Variants in NR3C1 observed in about 807,000 individuals in gnomAD.
NR3C1 encodes nuclear receptor subfamily 3 group C member 1.
A neutral mutation model predicts 74.0 loss-of-function variants in NR3C1; 14 were observed. The ratio of observed to expected loss-of-function variants is 0.19; its 90% confidence interval spans 0.12 to 0.30. The LOEUF (loss-of-function observed/expected upper bound fraction) is 0.30. Ranked by LOEUF, NR3C1 falls within the 10% of genes least tolerant of loss-of-function variation. The pLI is 1.00. For missense variants in NR3C1, 695 were observed against 909.8 expected, an observed-to-expected ratio of 0.76 and a Z score of 3.04; for synonymous variants, 308 against 332.5, an observed-to-expected ratio of 0.93 and a Z score of 0.80.
rs147068712 is a variant in NR3C1, at chr5:143,291,566, A to C, written c.2023+3894T>G. The stretch of plus-strand genomic sequence containing the variant: ...AATTTTTTAGTGAGCATCTGGTGGC[A>C]AACTTTATTTTCACCTCCTAGTTAA... On this transcript the variant is annotated intron_variant, in intron 7 of 8. Coordinates refer to ENST00000394464, the MANE Select transcript of NR3C1 (RefSeq NM_000176.3). Among the ~76,000 whole-genome samples the C allele has an allele frequency of 1.7e-3, 245 of 147,506 alleles. 1 individual carries two copies. Among genetic ancestry groups the C allele is most frequent in the African/African-American group, 5.8e-3 (233 of 40,510 alleles).
rs1452922479 is a variant in NR3C1 at position 143,333,035 on chromosome 5, G to A, written c.1185-18867C>T. ...CAGTGATTGAGGAGCACCTGGGGAA[G>A]TTTGGCTTCATTTGCTTGGAAGACC... is the stretch of plus-strand genomic sequence containing the variant. On this transcript the variant is annotated intron_variant, in intron 2 of 8. Transcript: ENST00000394464. 4 of 1,593,736 alleles carry A rather than the reference G, an allele frequency of 2.5e-6. No individual in the cohort carries two copies. In the African/African-American group the frequency reaches 5.3e-5, roughly 21 times the overall value.
At chr5:143,403,754 G>A, upstream of NR3C1, 2 of 984,628 alleles carry the variant, frequency 2.0e-6, no homozygotes, top group Non-Finnish European at 2.4e-6. Flanking sequence ...CGCCCGAGGG[G>A]CCGCGCGGCG....
intron 2 of NR3C1, among the ~76,000 whole-genome samples, chr5:143,321,449 T>C (rs1293933898): frequency 6.6e-6 from 1 of 152,170 alleles, no homozygotes; most frequent in East Asian, 1.9e-4. Flanking sequence ...TTCTAATGCA[T>C]GCCTTCTCTC....
intron 2 of NR3C1, among the ~76,000 whole-genome samples, chr5:143,348,916 A>G (rs1829767294): frequency 6.6e-6 from 1 of 152,200 alleles, no homozygotes; most frequent in Non-Finnish European, 1.5e-5. Context: ...TGCTCCTTGT[A>G]TTATTGACAA....
At chr5:143,290,728 C>A (rs376404613) in intron 7 of NR3C1, among the ~76,000 whole-genome samples, 1 of 151,892 alleles carries the variant, frequency 6.6e-6, no homozygotes, top group Non-Finnish European at 1.5e-5. Context: ...CCACCACACC[C>A]GGCTTTTTAT....
At chr5:143,348,028 G>A (rs1374654216) in intron 2 of NR3C1, among the ~76,000 whole-genome samples, 1 of 152,124 alleles carries the variant, frequency 6.6e-6, no homozygotes, top group African/African-American at 2.4e-5. Flanking sequence ...TCAAAATACA[G>A]GCAGCTTGAC....
At chr5:143,396,738 ATCAT>A (rs1263713495) in intron 2 of NR3C1, among the ~76,000 whole-genome samples, 4 of 151,820 alleles carry the variant, frequency 2.6e-5, no homozygotes, top group African/African-American at 7.2e-5. Flanking sequence ...TTCATCCTAC[ATCAT>A]TCATTCTCTC....
rs761495176 is a variant in NR3C1, at chr5:143,400,263, T to C, written c.577A>G (p.Ile193Val). 7 of 1,597,600 alleles carry C rather than the reference T, an allele frequency of 4.4e-6. No homozygotes were observed. In the Admixed American group the frequency reaches 5.3e-5, roughly 12 times the overall value. Residue 193 changes from isoleucine to valine, a missense_variant, in exon 2 of 9, where the codon ATT becomes GTT. Physicochemically the swap from Ile to Val is conservative, Grantham distance 29 (BLOSUM62 3). Coordinates refer to ENST00000394464, the MANE Select transcript of NR3C1 (RefSeq NM_000176.3). ...GAAGAAAACTCCAAATCCTGCAAAA[T>C]GTCAAAGGTGCTTTGGTCTGTGGTA... ...LYTTDQSTFD[I>V]LQDLEFSSGS...
intron 2 of NR3C1, among the ~76,000 whole-genome samples, chr5:143,389,198 C>G (rs1486008691): frequency 1.3e-5 from 2 of 152,188 alleles, no homozygotes; most frequent in Non-Finnish European, 2.9e-5. Context: ...TCAGAGTGCT[C>G]TCCATGCTGC....
chr5:143,400,795 G>A lies in NR3C1; in HGVS notation c.45C>T (p.Pro15=). The change falls in exon 2 of 9, where the codon CCC becomes CCT. Residue 15 remains proline (P), a synonymous_variant. Transcript: ENST00000394464. ...CCCTCTCCTGAGCAAGCACACTGCT[G>A]GGGTTTTCTTCTCTACCAGGAGTTA... The part of the protein sequence containing the change: ...ESLTPGREEN[P]SSVLAQERGD... The A allele has an allele frequency of 1.2e-6, 2 of 1,614,102 alleles. No individual in the cohort carries two copies. The highest frequency in any genetic ancestry group is 1.7e-6 in the Non-Finnish European group (2 of 1,180,042).
At chr5:143,285,877 T>G (rs1277406084) in intron 7 of NR3C1, among the ~76,000 whole-genome samples, 2 of 144,624 alleles carry the variant, frequency 1.4e-5, no homozygotes, top group Non-Finnish European at 3.0e-5. Flanking sequence ...TAGAAACGAA[T>G]AACTAAGAAC....
At chr5:143,432,950 G>A (rs917873165) in intron 1 of NR3C1, among the ~76,000 whole-genome samples, 14 of 152,046 alleles carry the variant, frequency 9.2e-5, no homozygotes, top group African/African-American at 3.4e-4. Flanking sequence ...TAGCTCTAAT[G>A]GCAGAAAAGT....
intron 4 of NR3C1, among the ~76,000 whole-genome samples, chr5:143,302,348 A>C (rs779764824): frequency 2.6e-5 from 4 of 152,128 alleles, no homozygotes; most frequent in Non-Finnish European, 5.9e-5. Context: ...GGAGTGATAA[A>C]ATTTTAAAAA....
At chr5:143,310,308 A>G in intron 3 of NR3C1, 95 bp from the exon 4 acceptor site, 2 of 877,590 alleles carry the variant, frequency 2.3e-6, no homozygotes, top group South Asian at 2.7e-5. Context: ...GAATATAACC[A>G]AGACACCCAC....
intron 8 of NR3C1, 31 bp downstream of exon 8, chr5:143,282,535 ACT>A: frequency 6.2e-7 from 1 of 1,612,682 alleles, no homozygotes; most frequent in Non-Finnish European, 8.5e-7. Flanking sequence ...GTCCCAGAAA[ACT>A]CTTATATTTG....
chr5:143,410,269 T>C (rs1841247692), intron 1 of NR3C1, among the ~76,000 whole-genome samples: 1 of 152,206 alleles, frequency 6.6e-6, no homozygotes, highest in Non-Finnish European at 1.5e-5. Context: ...TTTCAGCTCA[T>C]TTGAGAACCT....
intron 2 of NR3C1, among the ~76,000 whole-genome samples, chr5:143,344,089 T>A (rs1030110295): frequency 1.3e-5 from 2 of 152,232 alleles, no homozygotes; most frequent in African/African-American, 4.8e-5. Flanking sequence ...ACCTTTAAGT[T>A]ATTTAACTAT....
At chr5:143,383,293 A>G (rs1440880521) in intron 2 of NR3C1, among the ~76,000 whole-genome samples, 1 of 152,170 alleles carries the variant, frequency 6.6e-6, no homozygotes, top group Admixed American at 6.5e-5. Flanking sequence ...GTTTTCCCTA[A>G]GAGAAAGTAA....
intron 2 of NR3C1, among the ~76,000 whole-genome samples, chr5:143,331,083 ATGG>A (rs1825846703): frequency 6.6e-6 from 1 of 152,244 alleles, no homozygotes; most frequent in Non-Finnish European, 1.5e-5. Flanking sequence ...CCAAAACAGC[ATGG>A]TATTGGTACA....
Sources: gnomAD v4.1 joint callset for allele counts (sites outside exome capture counted in the v4.1 genomes callset) on GRCh38, gnomAD v4.1.1 for gene constraint, MANE v1.5 for transcripts, NCBI Gene and HGNC (gene_info 2026-07-23, HGNC 2026-07-21) for gene names.